Variants in CFAP90 observed in about 807,000 individuals in gnomAD.
CFAP90 encodes cilia- and flagella-associated protein 90.
the CFAP90 span, among the ~76,000 whole-genome samples, chr5:7,847,685 G>A: frequency 3.6e-3 from 543 of 152,324 alleles, 7 homozygotes; most frequent in African/African-American, 0.012. Context: ...CCCACTCCCA[G>A]CGGACCTCCT....
the CFAP90 span, among the ~76,000 whole-genome samples, chr5:7,833,568 CCA>C: frequency 1.3e-5 from 2 of 151,892 alleles, no homozygotes; most frequent in Admixed American, 6.6e-5. Context: ...ACACATATGC[CCA>C]CACACAAACA....
At chr5:7,838,386 C>T in the CFAP90 span, among the ~76,000 whole-genome samples, 6 of 152,306 alleles carry the variant, frequency 3.9e-5, no homozygotes, top group African/African-American at 1.2e-4. Context: ...ATATCCATAA[C>T]ATAGGCAGCT....
the CFAP90 span, among the ~76,000 whole-genome samples, chr5:7,840,726 A>G: frequency 6.6e-6 from 1 of 152,114 alleles, no homozygotes; most frequent in African/African-American, 2.4e-5. Flanking sequence ...TCTGAATGTG[A>G]CCTTATTTGG....
the CFAP90 span, among the ~76,000 whole-genome samples, chr5:7,849,109 T>C: frequency 6.6e-6 from 1 of 152,224 alleles, no homozygotes. Context: ...TAAAATTCTA[T>C]TTCCAAATAA....
chr5:7,835,173 A>G, the CFAP90 span, among the ~76,000 whole-genome samples: 2 of 152,350 alleles, frequency 1.3e-5, no homozygotes, highest in East Asian at 1.9e-4. Context: ...TTGTTAAAAA[A>G]TGCTGACACA....
the CFAP90 span, among the ~76,000 whole-genome samples, chr5:7,841,837 G>C: frequency 6.6e-6 from 1 of 152,134 alleles, no homozygotes; most frequent in South Asian, 2.1e-4. Flanking sequence ...AGGACGGGAC[G>C]TGGGAAGAGA....
chr5:7,839,995 T>C, the CFAP90 span, among the ~76,000 whole-genome samples: 3 of 152,192 alleles, frequency 2.0e-5, no homozygotes, highest in Non-Finnish European at 4.4e-5. Flanking sequence ...TATTCTCGTA[T>C]GGCTTGAAGC....
the CFAP90 span, among the ~76,000 whole-genome samples, chr5:7,834,603 C>A: frequency 1.3e-5 from 2 of 152,144 alleles, no homozygotes; most frequent in African/African-American, 2.4e-5. Flanking sequence ...TCACCCAGAG[C>A]AACTTCCAGT....
the CFAP90 span, among the ~76,000 whole-genome samples, chr5:7,835,203 C>T: frequency 6.6e-6 from 1 of 152,058 alleles, no homozygotes; most frequent in Admixed American, 6.6e-5. Context: ...AGTGAGCACA[C>T]GCTGTTGGAA....
the CFAP90 span, among the ~76,000 whole-genome samples, chr5:7,849,213 C>T: frequency 2.6e-5 from 4 of 152,164 alleles, no homozygotes; most frequent in East Asian, 1.9e-4. Flanking sequence ...ACTAGAAACA[C>T]GATTGCTTCT....
chr5:7,844,352 A>G, the CFAP90 span, among the ~76,000 whole-genome samples: 1 of 152,222 alleles, frequency 6.6e-6, no homozygotes, highest in African/African-American at 2.4e-5. Flanking sequence ...TACTCTTAAG[A>G]AGCAAATTTT....
the CFAP90 span, among the ~76,000 whole-genome samples, chr5:7,835,809 T>C: frequency 1.3e-5 from 2 of 152,220 alleles, no homozygotes; most frequent in African/African-American, 2.4e-5. Flanking sequence ...TCTGACTCCA[T>C]TGCTAGAGCT....
chr5:7,833,130 A>C, the CFAP90 span, among the ~76,000 whole-genome samples: 2 of 152,236 alleles, frequency 1.3e-5, no homozygotes, highest in Non-Finnish European at 1.5e-5. Context: ...AATATCAAGA[A>C]AAATACACAA....
At chr5:7,835,617 T>C in the CFAP90 span, 1 of 630,536 alleles carries the variant, frequency 1.6e-6, no homozygotes, top group Non-Finnish European at 2.8e-6. Flanking sequence ...GTGGTGAGTA[T>C]GTGGTAGGAA....
the CFAP90 span, chr5:7,851,100 CA>C: frequency 1.6e-6 from 2 of 1,226,524 alleles, no homozygotes; most frequent in East Asian, 6.3e-5. Context: ...CTGCAGGCCT[CA>C]GGTTGCTCAG....
chr5:7,836,024 C>T, the CFAP90 span, among the ~76,000 whole-genome samples: 4 of 152,104 alleles, frequency 2.6e-5, no homozygotes, highest in Non-Finnish European at 5.9e-5. Flanking sequence ...TGTATCCTCA[C>T]ATGCTGGAAG....
At chr5:7,830,498 A>T in the CFAP90 span, 1 of 152,370 alleles carries the variant, frequency 6.6e-6, no homozygotes, top group East Asian at 1.9e-4. Flanking sequence ...ATTTTCTATT[A>T]TGTTACTATA....
At chr5:7,841,374 G>A in the CFAP90 span, among the ~76,000 whole-genome samples, 1 of 152,206 alleles carries the variant, frequency 6.6e-6, no homozygotes, top group Non-Finnish European at 1.5e-5. Flanking sequence ...TACACTGTTG[G>A]TGGGAGTGTA....
chr5:7,841,448 C>G, the CFAP90 span, among the ~76,000 whole-genome samples: 169 of 152,250 alleles, frequency 1.1e-3, no homozygotes, highest in African/African-American at 4.0e-3. Flanking sequence ...GCAGAAATAC[C>G]ATTCAACCCA....
Sources: allele counts gnomAD v4.1 joint callset (sites outside exome capture counted in the v4.1 genomes callset), GRCh38; gene constraint gnomAD v4.1.1; transcripts MANE v1.5; gene names NCBI Gene and HGNC (gene_info 2026-07-23, HGNC 2026-07-21).